The following PTPRF variants were observed in gnomAD, a reference collection of about 807,000 sequenced individuals.
PTPRF encodes the protein receptor-type tyrosine-protein phosphatase F.
A neutral mutation model predicts 201.8 loss-of-function variants in PTPRF; 59 were observed. The ratio of observed to expected loss-of-function variants is 0.29; its 90% CI spans 0.24 to 0.36. PTPRF has a LOEUF of 0.36. PTPRF is among the 10% of genes least tolerant of loss of function. PTPRF has a pLI of 1.00. For missense variants in PTPRF, 2,132 were observed against 2,690.5 expected (o/e 0.79, Z 4.59); for synonymous variants, 1,088 against 1,089.7 (o/e 1.00, Z 0.03).
rs928278452 is a variant in PTPRF, at chr1:43,530,882, CGGCGGGAGCGGTGGCGGCGGCAGA to C, written c.-328_-305del. On this transcript the variant is annotated 5_prime_UTR_variant, in exon 1 of 34. Transcript: ENST00000359947. This position sits in a 1 kb window ranked among gnomAD's most constrained non-coding sequence, Gnocchi z 4.1. ...CGCGCGGCTGGAGCTGGCGCGGGAG[CGGCGGGAGCGGTGGCGGCGGCAGA>C]GGCGGCGGCTCCAGCTTCGGCTCCG... The C allele has an allele frequency of 1.3e-5, 2 of 151,672 alleles. No homozygotes were observed. The highest frequency in any genetic ancestry group is 3.5e-4 in the South Asian group (2 of 5,674). The allele number at this position is 151,672 out of a possible 1,614,324, so 9.4% of individuals were successfully genotyped here. A position where few individuals can be genotyped will look rare whatever the true frequency, so the allele number is the denominator to read the frequency against.
intron 6 of PTPRF, chr1:43,576,031 C>G (rs1570193657): frequency 9.1e-7 from 1 of 1,095,730 alleles, no homozygotes; most frequent in Non-Finnish European, 1.3e-6. Context: ...ATCCCAACCT[C>G]TTCAGCCTCC....
intron 1 of PTPRF, among the ~76,000 whole-genome samples, chr1:43,535,661 C>T (rs951011492): frequency 6.6e-6 from 1 of 152,204 alleles, no homozygotes; most frequent in African/African-American, 2.4e-5. Flanking sequence ...GATGGGGAAC[C>T]CTACTGGGGC....
Position 43,589,868 on chromosome 1 carries a change from A to C in PTPRF, c.949+868A>C, listed in dbSNP as rs1293435790. On this transcript the variant is annotated intron_variant, in intron 8 of 33. Transcript: ENST00000359947. Reference sequence around the variant, plus strand: ...CTGAGTGACAGAGCGAGACCCTATGAAAAAAAAAAAAACCAGATTCCTTCC... The same window carrying C: ...CTGAGTGACAGAGCGAGACCCTATGCAAAAAAAAAAAACCAGATTCCTTCC... Among the ~76,000 whole-genome samples, 8 of 134,474 alleles carry C rather than the reference A, an allele frequency of 5.9e-5. No homozygotes were observed. The South Asian group carries it at 1.5e-3, about 26-fold the overall frequency. 88.2% of individuals were successfully genotyped at this position (134,474 alleles called of 152,430 possible). A position where few individuals can be genotyped will look rare whatever the true frequency, so the allele number is the denominator to read the frequency against.
upstream of PTPRF, among the ~76,000 whole-genome samples, chr1:43,527,017 C>A (rs1048828559): frequency 6.6e-6 from 1 of 152,198 alleles, no homozygotes; most frequent in African/African-American, 2.4e-5. Flanking sequence ...TCTTGCTGAT[C>A]TGATGGGTAG....
At chr1:43,524,227 CGGT>C (rs1467496042), upstream of PTPRF, among the ~76,000 whole-genome samples, 15 of 151,802 alleles carry the variant, frequency 9.9e-5, no homozygotes, top group Admixed American at 6.6e-5. Flanking sequence ...GGGAGGATGG[CGGT>C]GGTAAGGGAT....
chr1:43,556,560 C>A (rs2153975437), intron 5 of PTPRF, among the ~76,000 whole-genome samples: 1 of 152,318 alleles, frequency 6.6e-6, no homozygotes, highest in Admixed American at 6.5e-5. Flanking sequence ...GTGTCGGTTA[C>A]TGTTTTGCAT....
At position 43,603,448 on chromosome 1, in the gene PTPRF, C is replaced by T. The variant is rs776137719; in HGVS notation, c.2373C>T (p.Thr791=). 5 of 1,614,178 alleles carry T rather than the reference C, an allele frequency of 3.1e-6. No individual in the cohort carries two copies. Among genetic ancestry groups the T allele is most frequent in the Non-Finnish European group, 3.4e-6 (4 of 1,180,028 alleles). The change falls in exon 15 of 34, where the codon ACC becomes ACT. Residue 791 remains threonine (T), a synonymous_variant. Coordinates refer to ENST00000359947, the MANE Select transcript of PTPRF (RefSeq NM_002840.5). The surrounding 1 kb of genome is among the most constrained non-coding windows in gnomAD (Gnocchi z 5.8). The part of the protein sequence containing the change: ...ETTISGLTPE[T]TYSVTVAAYT... ...CTATCAGCGGCCTGACCCCGGAGAC[C>T]ACCTACTCCGTTACTGTTGCTGCCT...
At chr1:43,619,026 A>G (rs1658535541) in intron 26 of PTPRF, 22 bp from the exon 27 acceptor site, 2 of 1,607,182 alleles carry the variant, frequency 1.2e-6, no homozygotes, top group African/African-American at 1.3e-5. Context: ...AGTCGCCAGT[A>G]TGTCCCCACT....
chr1:43,547,857 G>C (rs980497474), intron 3 of PTPRF, among the ~76,000 whole-genome samples: 2 of 152,222 alleles, frequency 1.3e-5, no homozygotes, highest in Non-Finnish European at 2.9e-5. Flanking sequence ...CCCCAGCCAG[G>C]CTTTGTGGCT....
At chr1:43,560,777 C>T (rs1645751774) in intron 5 of PTPRF, among the ~76,000 whole-genome samples, 1 of 152,150 alleles carries the variant, frequency 6.6e-6, no homozygotes, top group African/African-American at 2.4e-5. Context: ...TGGGGTGCAC[C>T]AGATAGGGAT....
chr1:43,619,603 AG>A, intron 28 of PTPRF, 30 bp downstream of exon 28: 2 of 1,610,244 alleles, frequency 1.2e-6, no homozygotes, highest in Non-Finnish European at 8.5e-7. Context: ...GCTTGGCTCC[AG>A]GGCCTAGACT....
chr1:43,566,439 G>A (rs188856607), intron 5 of PTPRF, among the ~76,000 whole-genome samples: 30 of 152,346 alleles, frequency 2.0e-4, no homozygotes, highest in African/African-American at 7.2e-4. Context: ...TTGTTGATGG[G>A]TTTGGAGTGA....
intron 3 of PTPRF, among the ~76,000 whole-genome samples, chr1:43,549,687 T>C (rs894095699): frequency 1.3e-5 from 2 of 151,904 alleles, no homozygotes; most frequent in African/African-American, 4.8e-5. Flanking sequence ...AACCCTGTCT[T>C]TACCAAAAAT....
intron 1 of PTPRF, among the ~76,000 whole-genome samples, chr1:43,533,066 T>A (rs548858864): frequency 6.6e-6 from 1 of 152,372 alleles, no homozygotes; most frequent in Admixed American, 6.5e-5. Flanking sequence ...AGTCTCTTAT[T>A]TGAAATGTCT....
chr1:43,620,292 C>T (rs1387218016), intron 30 of PTPRF, 71 bp downstream of exon 30: 8 of 1,589,062 alleles, frequency 5.0e-6, no homozygotes, highest in Non-Finnish European at 6.9e-6. Context: ...GGGGAGCTGC[C>T]GCCTATGTTA....
chr1:43,565,417 C>T (rs1233181002), intron 5 of PTPRF, among the ~76,000 whole-genome samples: 1 of 152,246 alleles, frequency 6.6e-6, no homozygotes, highest in East Asian at 1.9e-4. Context: ...CACACACGTG[C>T]ACACTCCCCA....
chr1:43,575,905 G>T (rs1018783155), intron 6 of PTPRF: 3 of 1,362,870 alleles, frequency 2.2e-6, no homozygotes, highest in African/African-American at 1.5e-5. Context: ...AAATTACCTC[G>T]CCAGGTGGTT....
At chr1:43,607,840 C>T (rs1169965032) in intron 21 of PTPRF, among the ~76,000 whole-genome samples, 1 of 152,272 alleles carries the variant, frequency 6.6e-6, no homozygotes, top group Non-Finnish European at 1.5e-5. Flanking sequence ...CAAGGCCTTG[C>T]CTGGCCCCTA....
chr1:43,618,343 A>G (rs1658372522), intron 25 of PTPRF, among the ~76,000 whole-genome samples: 2 of 152,222 alleles, frequency 1.3e-5, no homozygotes, highest in African/African-American at 4.8e-5. Flanking sequence ...AAAATGGCAC[A>G]TAAACGTTAT....
Sources: allele counts gnomAD v4.1 joint callset (sites outside exome capture counted in the v4.1 genomes callset), GRCh38; gene constraint gnomAD v4.1.1; non-coding constraint Gnocchi (gnomAD v3.1); transcripts MANE v1.5; gene names NCBI Gene and HGNC (gene_info 2026-07-23, HGNC 2026-07-21).